SLC10A7: variants seen among roughly 807,000 people sequenced by gnomAD.
SLC10A7 encodes the protein solute carrier family 10 member 7.
Under a neutral mutation model 43.2 loss-of-function variants are expected in SLC10A7, and 29 were observed. The observed-to-expected ratio is 0.67, with a 90% confidence interval of 0.50 to 0.92. SLC10A7 has a LOEUF of 0.92. SLC10A7 is among the 40% of genes least tolerant of loss of function. The pLI is 0.00. For missense variants in SLC10A7, 295 were observed against 403.2 expected (o/e 0.73, Z 2.30); for synonymous variants, 152 against 144.8 (o/e 1.05, Z -0.35).
chr4:146,456,971 A>G (rs1732117925), intron 4 of SLC10A7, among the ~76,000 whole-genome samples: 1 of 151,900 alleles, frequency 6.6e-6, no homozygotes, highest in Admixed American at 6.6e-5. Context: ...TGGGTCAAAG[A>G]CTAGATATAT....
At chr4:146,406,833 A>G (rs1560878388) in intron 5 of SLC10A7, among the ~76,000 whole-genome samples, 1 of 152,098 alleles carries the variant, frequency 6.6e-6, no homozygotes, top group Non-Finnish European at 1.5e-5. Context: ...AAATACAAAA[A>G]TTAGCTGGGC....
chr4:146,290,767 A>G (rs985229355), intron 9 of SLC10A7, among the ~76,000 whole-genome samples: 1 of 152,102 alleles, frequency 6.6e-6, no homozygotes, highest in Non-Finnish European at 1.5e-5. Flanking sequence ...GGCTGAGGTA[A>G]GAGGATCACC....
At chr4:146,386,725 A>T (rs1391739677) in intron 5 of SLC10A7, among the ~76,000 whole-genome samples, 1 of 152,140 alleles carries the variant, frequency 6.6e-6, no homozygotes, top group Non-Finnish European at 1.5e-5. Flanking sequence ...GTCCACTCAA[A>T]TGCCCTTTAA....
At chr4:146,357,014 C>T (rs1735701754) in intron 5 of SLC10A7, among the ~76,000 whole-genome samples, 1 of 152,158 alleles carries the variant, frequency 6.6e-6, no homozygotes, top group South Asian at 2.1e-4. Context: ...CCTCTCTGCT[C>T]TACCCAAAGC....
rs10719115 is a variant in SLC10A7, at chr4:146,435,009, A to ATT, written c.435+7772_435+7773dup. Reference sequence around the variant, plus strand: ...TTTAAGCAAATTGAGGGCAAGAATCATTTTTTTTTTAATTATTTTTTCAGC... The same window carrying ATT: ...TTTAAGCAAATTGAGGGCAAGAATCATTTTTTTTTTTTAATTATTTTTTCAGC... On this transcript the variant is annotated intron_variant, in intron 5 of 11. Transcript: ENST00000335472. Among the ~76,000 whole-genome samples the ATT allele has an allele frequency of 4.0e-5, 6 of 151,598 alleles. No individual in the cohort carries two copies. In the Middle Eastern group the frequency reaches 0.01, roughly 260 times the overall value.
At chr4:146,487,179 C>T (rs1734993067) in intron 4 of SLC10A7, among the ~76,000 whole-genome samples, 1 of 152,206 alleles carries the variant, frequency 6.6e-6, no homozygotes, top group African/African-American at 2.4e-5. Context: ...ATGCCCTAAC[C>T]ACTGGAAAAG....
chr4:146,362,178 T>C (rs1168731323), intron 5 of SLC10A7, among the ~76,000 whole-genome samples: 1 of 152,240 alleles, frequency 6.6e-6, no homozygotes, highest in East Asian at 1.9e-4. Flanking sequence ...GTAGAATGTT[T>C]ATTCAAAGAA....
chr4:146,318,677 C>A (rs1008608911), intron 6 of SLC10A7, among the ~76,000 whole-genome samples: 2 of 151,954 alleles, frequency 1.3e-5, no homozygotes, highest in African/African-American at 4.8e-5. Flanking sequence ...TCATATAGTC[C>A]ATTGCTTACC....
intron 5 of SLC10A7, among the ~76,000 whole-genome samples, chr4:146,380,939 A>T (rs1009108201): frequency 2.6e-5 from 4 of 152,184 alleles, no homozygotes; most frequent in Non-Finnish European, 5.9e-5. Flanking sequence ...AAATTTAAAC[A>T]GTTCCAAAGT....
chr4:146,441,683 T>C (rs1730616093), intron 5 of SLC10A7: 1 of 985,072 alleles, frequency 1.0e-6, no homozygotes, highest in African/African-American at 1.7e-5. Flanking sequence ...AAACAGACTT[T>C]ATTGTCTAAA....
chr4:146,441,945 C>T (rs898492339), intron 5 of SLC10A7: 1 of 981,306 alleles, frequency 1.0e-6, no homozygotes, highest in African/African-American at 1.8e-5. Context: ...TACCTAGACT[C>T]ATGAACTAGT....
chr4:146,348,553 T>G (rs1048603974), intron 5 of SLC10A7, among the ~76,000 whole-genome samples: 1 of 152,210 alleles, frequency 6.6e-6, no homozygotes, highest in African/African-American at 2.4e-5. Context: ...GTAAAATGAC[T>G]TTATTACCTT....
At chr4:146,479,986 A>G (rs1579296353) in intron 4 of SLC10A7, among the ~76,000 whole-genome samples, 1 of 152,216 alleles carries the variant, frequency 6.6e-6, no homozygotes, top group Non-Finnish European at 1.5e-5. Context: ...TTAACAAAAT[A>G]GATTCCAGAA....
intron 5 of SLC10A7, among the ~76,000 whole-genome samples, chr4:146,406,730 C>G (rs1727732215): frequency 1.3e-5 from 2 of 152,134 alleles, no homozygotes; most frequent in Admixed American, 1.3e-4. Context: ...CTTCTGTGAT[C>G]CCAGCACTTT....
chr4:146,497,877 C>T (rs1452731667), intron 4 of SLC10A7, among the ~76,000 whole-genome samples: 1 of 151,276 alleles, frequency 6.6e-6, no homozygotes. Flanking sequence ...ATTCTCTTAG[C>T]AAGTCTCATC....
intron 10 of SLC10A7, among the ~76,000 whole-genome samples, chr4:146,267,337 C>A (rs527563644): frequency 2.6e-5 from 4 of 152,220 alleles, no homozygotes; most frequent in African/African-American, 9.6e-5. Context: ...GTCTGCACAG[C>A]CCCCAGAATT....
At position 146,254,575 on chromosome 4, in the gene SLC10A7, TATC is replaced by T. The variant is rs1467050216; in HGVS notation, c.*1913_*1915del. 1 of 152,200 alleles carries T rather than the reference TATC, an allele frequency of 6.6e-6. No homozygotes were observed. The highest frequency in any genetic ancestry group is 1.5e-5 in the Non-Finnish European group (1 of 68,032). The allele number at this position is 152,200 out of a possible 1,614,324, so 9.4% of individuals were successfully genotyped here. A position where few individuals can be genotyped will look rare whatever the true frequency, so the allele number is the denominator to read the frequency against. On this transcript the variant is annotated 3_prime_UTR_variant, in exon 12 of 12. Coordinates refer to ENST00000335472, the MANE Select transcript of SLC10A7 (RefSeq NM_001029998.6). ...ATTTTTAAAGCAAACGATAAAATGT[TATC>T]ATAGCATTTTCAGTTGAATTTTATC... is the stretch of plus-strand genomic sequence containing the variant.
intron 4 of SLC10A7, among the ~76,000 whole-genome samples, chr4:146,474,975 T>C (rs1293822689): frequency 6.6e-6 from 1 of 152,150 alleles, no homozygotes; most frequent in Non-Finnish European, 1.5e-5. Context: ...GAAAGGACCT[T>C]CCTTTTCCAA....
chr4:146,267,802 G>A (rs549947532), intron 10 of SLC10A7, among the ~76,000 whole-genome samples: 18 of 152,078 alleles, frequency 1.2e-4, no homozygotes, highest in Non-Finnish European at 2.4e-4. Context: ...CAGTGTCCTA[G>A]GGTTGGGTTC....
Sources: gnomAD v4.1 joint callset for allele counts (sites outside exome capture counted in the v4.1 genomes callset) on GRCh38, gnomAD v4.1.1 for gene constraint, MANE v1.5 for transcripts, NCBI Gene and HGNC (gene_info 2026-07-23, HGNC 2026-07-21) for gene names.